The following PTPRD variants were observed in gnomAD, a reference collection of about 807,000 sequenced individuals.
PTPRD encodes the protein protein tyrosine phosphatase receptor type D, also known as receptor-type tyrosine-protein phosphatase delta.
A neutral mutation model predicts 214.5 loss-of-function variants in PTPRD; 34 were observed. The observed-to-expected ratio is 0.16, with a 90% CI of 0.12 to 0.21. PTPRD has a LOEUF of 0.21. PTPRD is among the 10% of genes least tolerant of loss of function. PTPRD has a pLI of 1.00. For missense variants in PTPRD, 2,545 were observed against 2,398.7 expected (o/e 1.06, Z -1.27); for synonymous variants, 1,128 against 845.7 (o/e 1.33, Z -5.79).
intron 9 of PTPRD, among the ~76,000 whole-genome samples, chr9:9,228,772 A>G (rs1293498417): frequency 6.6e-6 from 1 of 152,096 alleles, no homozygotes; most frequent in East Asian, 1.9e-4. Context: ...GCACACATAA[A>G]CTATTAATTT....
At chr9:10,556,234 T>G (rs923196682) in intron 2 of PTPRD, among the ~76,000 whole-genome samples, 2 of 151,952 alleles carry the variant, frequency 1.3e-5, no homozygotes, top group Admixed American at 1.3e-4. Flanking sequence ...AGTAGATCAT[T>G]TCCTATCAAT....
At chr9:10,393,673 C>T (rs546640012) in intron 2 of PTPRD, among the ~76,000 whole-genome samples, 1 of 146,084 alleles carries the variant, frequency 6.8e-6, no homozygotes, top group Non-Finnish European at 1.5e-5. Flanking sequence ...GAGAGACACT[C>T]TATTGGGTCT....
At chr9:8,388,432 G>A (rs911486129) in intron 37 of PTPRD, among the ~76,000 whole-genome samples, 1 of 152,142 alleles carries the variant, frequency 6.6e-6, no homozygotes, top group Non-Finnish European at 1.5e-5. Context: ...TGTCTTCAAT[G>A]AAGTTTCAGA....
chr9:9,701,045 A>C, intron 7 of PTPRD, among the ~76,000 whole-genome samples: 1 of 152,074 alleles, frequency 6.6e-6, no homozygotes. Flanking sequence ...AGATTAAAAA[A>C]AAAAAAAAAA....
chr9:8,975,898 C>T (rs986637277), intron 11 of PTPRD, among the ~76,000 whole-genome samples: 2 of 151,650 alleles, frequency 1.3e-5, no homozygotes, highest in Admixed American at 6.6e-5. Flanking sequence ...AGCATTTGTA[C>T]TTCAAAAACA....
chr9:8,402,162 G>A (rs2133790), intron 36 of PTPRD, among the ~76,000 whole-genome samples: 141,264 of 152,262 alleles, frequency 0.93, 65,545 homozygotes, highest in Middle Eastern at 0.96. Flanking sequence ...TATAGCTCAT[G>A]AACTTCAATT....
At chr9:9,269,018 A>G (rs1198521760) in intron 9 of PTPRD, among the ~76,000 whole-genome samples, 2 of 151,158 alleles carry the variant, frequency 1.3e-5, no homozygotes, top group Admixed American at 6.6e-5. Context: ...CTGGAAACAC[A>G]TCAAGCTGAA....
chr9:10,431,158 C>T (rs1162689913), intron 2 of PTPRD, among the ~76,000 whole-genome samples: 1 of 151,936 alleles, frequency 6.6e-6, no homozygotes, highest in African/African-American at 2.4e-5. Context: ...TGATTCTCTC[C>T]TTTTATTTTC....
chr9:8,902,944 G>C lies in PTPRD; in HGVS notation c.-104+115753C>G, dbSNP rs532091132. On this transcript the variant is annotated intron_variant, in intron 11 of 45. Transcript: ENST00000381196. Reference sequence around the variant, plus strand: ...GCTTAGGTGCTTTATTGTTTGTTTTGTTGTTTAGTGAAGGCTTCACAAGTT... The same window carrying C: ...GCTTAGGTGCTTTATTGTTTGTTTTCTTGTTTAGTGAAGGCTTCACAAGTT... 3.9e-5 allele frequency among the ~76,000 whole-genome samples: 6 copies of C among 152,174 alleles called. No individual in the cohort carries two copies. The East Asian group carries it at 9.7e-4, about 24-fold the overall frequency.
intron 9 of PTPRD, among the ~76,000 whole-genome samples, chr9:9,333,504 T>TGTATATATATATA (rs1555249397): frequency 7.3e-6 from 1 of 137,248 alleles, no homozygotes; most frequent in African/African-American, 2.9e-5. Flanking sequence ...ATATAGTATA[T>TGTATATATATATA]TATATATATA....
intron 44 of PTPRD, among the ~76,000 whole-genome samples, chr9:8,322,333 C>A (rs1829214276): frequency 6.6e-6 from 1 of 152,118 alleles, no homozygotes; most frequent in East Asian, 1.9e-4. Context: ...GAAAGCTAGG[C>A]CTCTCGCACC....
intron 4 of PTPRD, among the ~76,000 whole-genome samples, chr9:10,031,780 T>C (rs1403373251): frequency 1.3e-5 from 2 of 151,312 alleles, no homozygotes. Flanking sequence ...ACTAGATTCG[T>C]AGATCAAAGG....
chr9:8,674,493 TAATACAAGC>T (rs2097360381), intron 12 of PTPRD, among the ~76,000 whole-genome samples: 1 of 143,196 alleles, frequency 7.0e-6, no homozygotes, highest in Non-Finnish European at 1.5e-5. Flanking sequence ...AGCATGAAGT[TAATACAAGC>T]AAAAATAAGT....
intron 14 of PTPRD, among the ~76,000 whole-genome samples, chr9:8,557,360 T>A (rs1593666203): frequency 6.6e-6 from 1 of 151,060 alleles, no homozygotes; most frequent in East Asian, 1.9e-4. Flanking sequence ...GGAAGCAAAA[T>A]GATACCTATT....
At chr9:9,133,945 T>C (rs562882197) in intron 10 of PTPRD, among the ~76,000 whole-genome samples, 3 of 152,016 alleles carry the variant, frequency 2.0e-5, no homozygotes, top group South Asian at 2.1e-4. Context: ...CATACTCTAA[T>C]AGATCTCTCA....
intron 11 of PTPRD, among the ~76,000 whole-genome samples, chr9:8,929,733 G>GTA (rs758580880): frequency 0.039 from 3,671 of 93,010 alleles, 106 homozygotes; most frequent in East Asian, 0.064. Flanking sequence ...ATATATATGT[G>GTA]TATATATATG....
chr9:9,202,533 CA>C (rs1232669333), intron 9 of PTPRD, among the ~76,000 whole-genome samples: 4 of 152,172 alleles, frequency 2.6e-5, no homozygotes, highest in Non-Finnish European at 5.9e-5. Context: ...GGCCACATTA[CA>C]TCAGATGCAA....
intron 3 of PTPRD, among the ~76,000 whole-genome samples, chr9:10,195,661 A>G (rs76490251): frequency 0.023 from 3,552 of 152,256 alleles, 140 homozygotes; most frequent in African/African-American, 0.08. Flanking sequence ...ACCTGCACCA[A>G]AAATAATTCA....
At chr9:10,273,446 T>C (rs1487872409) in intron 3 of PTPRD, among the ~76,000 whole-genome samples, 1 of 152,086 alleles carries the variant, frequency 6.6e-6, no homozygotes, top group Non-Finnish European at 1.5e-5. Context: ...ATATGGTATA[T>C]TAGAGTTAGA....
Sources: allele counts gnomAD v4.1 joint callset (sites outside exome capture counted in the v4.1 genomes callset), GRCh38; gene constraint gnomAD v4.1.1; transcripts MANE v1.5; gene names NCBI Gene and HGNC (gene_info 2026-07-23, HGNC 2026-07-21).